UNC93B1: variants seen among roughly 807,000 people sequenced by gnomAD.
The protein encoded by UNC93B1 is protein unc-93 homolog B1.
Under a neutral mutation model 56.8 loss-of-function variants are expected in UNC93B1, and 33 were observed. The ratio of observed to expected loss-of-function variants is 0.58; its 90% CI spans 0.44 to 0.78. The LOEUF (loss-of-function observed/expected upper bound fraction) is 0.78, where lower values mean the gene tolerates loss of function less well. Among genes scored for constraint, UNC93B1 ranks in the 30% least tolerant of loss-of-function variants. The probability of loss-of-function intolerance (pLI) is 0.00; values close to 1 mark genes in which losing one functional copy is unlikely to be tolerated. For missense variants in UNC93B1, 673 were observed against 819.5 expected (o/e 0.82, Z 2.18); for synonymous variants, 334 against 358.6 (o/e 0.93, Z 0.77).
At chr11:67,999,399 T>G (rs759824101) in intron 4 of UNC93B1, 94 bp from the exon 5 acceptor site, 2 of 1,550,596 alleles carry the variant, frequency 1.3e-6, no homozygotes, top group Non-Finnish European at 1.7e-6. Context: ...AGCCCCGGTG[T>G]GGGGAAACTG....
intron 5 of UNC93B1, 67 bp from the exon 6 acceptor site, chr11:67,998,519 C>T: frequency 1.3e-6 from 2 of 1,534,908 alleles, no homozygotes; most frequent in East Asian, 2.2e-5. Flanking sequence ...CAGGCATGGT[C>T]TGGGGAGGGG....
At chr11:68,000,128 T>C (rs1244432605) in intron 3 of UNC93B1, among the ~76,000 whole-genome samples, 2 of 152,152 alleles carry the variant, frequency 1.3e-5, no homozygotes, top group Non-Finnish European at 2.9e-5. Flanking sequence ...CTGCCTCCAG[T>C]CCATTGCTTT....
Position 67,996,670 on chromosome 11 carries a change from G to T in UNC93B1, c.1021C>A (p.Arg341Ser). ...PFKHVRDYRL[R>S]HLVPFFIYSG... ...TAGATAAAGAAAGGCACGAGGTGGC[G>T]CAGGCGGTAGTCACGCACGTGCTTG... Residue 341 changes from arginine to serine, a missense_variant, in exon 8 of 11, where the codon CGC (arginine) becomes AGC (serine). Coordinates refer to ENST00000227471, the MANE Select transcript of UNC93B1 (RefSeq NM_030930.4). The T allele has an allele frequency of 6.4e-7, 1 of 1,551,556 alleles. No individual in the cohort carries two copies. Among genetic ancestry groups the T allele is most frequent in the Non-Finnish European group, 8.7e-7 (1 of 1,146,904 alleles).
chr11:67,998,286 G>C, intron 6 of UNC93B1, 73 bp downstream of exon 6: 1 of 1,548,494 alleles, frequency 6.5e-7, no homozygotes. Flanking sequence ...AATCCTGTGA[G>C]TGAGGGCCCA....
intron 7 of UNC93B1, 73 bp downstream of exon 7, chr11:67,997,602 C>T: frequency 6.3e-7 from 1 of 1,590,938 alleles, no homozygotes; most frequent in East Asian, 2.2e-5. Context: ...CGATCCAGAC[C>T]CTTTCTCGCA....
chr11:68,003,692 C>T lies in UNC93B1; in HGVS notation c.203G>A (p.Ser68Asn). 1 of 1,529,856 alleles carries T rather than the reference C, an allele frequency of 6.5e-7. No individual in the cohort carries two copies. Among genetic ancestry groups the T allele is most frequent in the Non-Finnish European group, 8.7e-7 (1 of 1,143,468 alleles). 94.8% of individuals were successfully genotyped at this position (1,529,856 alleles called of 1,614,324 possible). ...GCCGTAGGTGAGCATGCCCCCGGCG[C>T]TGGCAGCCAGCACGTTCTTGAGCAC... ...LGVLKNVLAASAGGMLTYGVY... is the reference protein window; with the variant it reads ...LGVLKNVLAANAGGMLTYGVY... The change falls in exon 2 of 11, where the codon AGC (serine) becomes AAC (asparagine). Residue 68 changes from serine to asparagine, a missense_variant. Transcript: ENST00000227471. This position sits in a 1 kb window ranked among gnomAD's most constrained non-coding sequence, Gnocchi z 4.4.
intron 8 of UNC93B1, chr11:67,996,129 A>AC (rs1856944001): frequency 1.2e-5 from 2 of 167,954 alleles, no homozygotes; most frequent in African/African-American, 2.8e-5. Context: ...GGGGTGCCTT[A>AC]CCCCCCTGCG....
rs1590764809 is a variant in UNC93B1 at position 68,003,885 on chromosome 11, C to G, written c.96+63G>C. On this transcript the variant is annotated intron_variant, in intron 1 of 10. Transcript: ENST00000227471. The surrounding 1 kb of genome is among the most constrained non-coding windows in gnomAD (Gnocchi z 4.4). The stretch of plus-strand genomic sequence containing the variant: ...CCGCCGCCCCCCGGCCCGCCCCGCC[C>G]CCGCCGGGGGGACCCTGGCCCACAG... 7.8e-7 allele frequency: 1 copy of G among 1,288,994 alleles called. No homozygotes were observed. The highest frequency in any genetic ancestry group is 9.8e-7 in the Non-Finnish European group (1 of 1,024,528). 79.8% of individuals were successfully genotyped at this position (1,288,994 alleles called of 1,614,324 possible). A position where few individuals can be genotyped will look rare whatever the true frequency, so the allele number is the denominator to read the frequency against.
intron 8 of UNC93B1, 108 bp downstream of exon 8, chr11:67,996,494 A>G: frequency 2.2e-6 from 3 of 1,388,952 alleles, no homozygotes; most frequent in South Asian, 1.5e-5. Context: ...TGGGATATAC[A>G]TGTACACACT....
At chr11:67,995,509 C>T (rs1489460542) in intron 9 of UNC93B1, 102 bp downstream of exon 9, 1 of 1,006,512 alleles carries the variant, frequency 9.9e-7, no homozygotes, top group Non-Finnish European at 1.4e-6. Flanking sequence ...CATGGGACCC[C>T]ATATCTGTCC....
chr11:67,991,425 G>A lies in UNC93B1; in HGVS notation c.*121C>T, dbSNP rs1856837418. On this transcript the variant is annotated 3_prime_UTR_variant, in exon 11 of 11. Coordinates refer to ENST00000227471, the MANE Select transcript of UNC93B1 (RefSeq NM_030930.4). ...CTCTGGGAGGGGCGTCCCCAACGTG[G>A]GGGAGGGGAGACAGGGGCCTTTGAA... is the stretch of plus-strand genomic sequence containing the variant. 1 of 1,009,930 alleles carries A rather than the reference G, an allele frequency of 9.9e-7. No homozygotes were observed. The highest frequency in any genetic ancestry group is 1.3e-6 in the Non-Finnish European group (1 of 754,602). The allele number at this position is 1,009,930 out of a possible 1,614,324, so 62.6% of individuals were successfully genotyped here.
chr11:67,996,893 C>T (rs1269482016), intron 7 of UNC93B1, 109 bp from the exon 8 acceptor site: 3 of 1,330,810 alleles, frequency 2.3e-6, no homozygotes, highest in Non-Finnish European at 3.0e-6. Flanking sequence ...CCCAGCTCGG[C>T]CCCGCCTCCC....
chr11:67,993,637 G>C, intron 10 of UNC93B1, 39 bp downstream of exon 10: 1 of 988,728 alleles, frequency 1.0e-6, no homozygotes, highest in Non-Finnish European at 1.5e-6. Context: ...GGAAGTACCT[G>C]TCATTGGGCA....
intron 9 of UNC93B1, 22 bp downstream of exon 9, chr11:67,995,589 C>A (rs367982446): frequency 0.1 from 60,373 of 581,472 alleles, 8,345 homozygotes; most frequent in African/African-American, 0.24. Flanking sequence ...CCCCCCCCCC[C>A]AGTGCCCACA....
intron 3 of UNC93B1, among the ~76,000 whole-genome samples, chr11:68,000,678 A>G (rs1857031298): frequency 6.6e-6 from 1 of 152,190 alleles, no homozygotes; most frequent in African/African-American, 2.4e-5. Context: ...AGTGGCACAT[A>G]TAGCCAGTGG....
In UNC93B1 at chr11:67,997,742, G is replaced by C; in HGVS notation, c.839C>G (p.Pro280Arg). ...GFNKTVLRTL[P>R]RSGNLIVVES... Reference sequence around the variant, plus strand: ...CACCACAATGAGGTTTCCGCTCCGCGGGAGCGTCCGCAGAACCGTCTTGTT... The same window carrying C: ...CACCACAATGAGGTTTCCGCTCCGCCGGAGCGTCCGCAGAACCGTCTTGTT... The change falls in exon 7 of 11, where the codon CCG becomes CGG. Residue 280 changes from proline to arginine, a missense_variant. Physicochemically the swap from Pro to Arg is moderately radical, Grantham distance 103 (BLOSUM62 -2). This residue lies in a region of UNC93B1 where 438 missense variants were observed against 465.9 expected (regional missense o/e 0.94). Coordinates refer to ENST00000227471, the MANE Select transcript of UNC93B1 (RefSeq NM_030930.4). The C allele has an allele frequency of 6.2e-7, 1 of 1,610,120 alleles. No homozygotes were observed. Among genetic ancestry groups the C allele is most frequent in the Non-Finnish European group, 8.5e-7 (1 of 1,179,856 alleles).
chr11:67,994,385 T>C (rs1239961119), intron 9 of UNC93B1, among the ~76,000 whole-genome samples: 1 of 152,206 alleles, frequency 6.6e-6, no homozygotes, highest in Non-Finnish European at 1.5e-5. Flanking sequence ...GATGAGCTTA[T>C]GCCTATTGTG....
chr11:68,004,066 C>A lies in UNC93B1; in HGVS notation c.-23G>T. 7.5e-7 allele frequency: 1 copy of A among 1,326,686 alleles called. No individual in the cohort carries two copies. Among genetic ancestry groups the A allele is most frequent in the South Asian group, 1.9e-5 (1 of 52,148 alleles). The allele number at this position is 1,326,686 out of a possible 1,614,324, so 82.2% of individuals were successfully genotyped here. On this transcript the variant is annotated 5_prime_UTR_variant, in exon 1 of 11. Transcript: ENST00000227471. ...CATGGCCCGAACTACTGCGGACTCG[C>A]GGCGGTCGCCCCGGAGTCCCTGCGA...
At chr11:68,002,549 G>C (rs1857064045) in intron 3 of UNC93B1, among the ~76,000 whole-genome samples, 1 of 152,138 alleles carries the variant, frequency 6.6e-6, no homozygotes, top group Admixed American at 6.5e-5. Context: ...ATACCTCCAG[G>C]GCTCAGATCT....
Sources: allele counts gnomAD v4.1 joint callset (sites outside exome capture counted in the v4.1 genomes callset), GRCh38; gene constraint gnomAD v4.1.1; regional missense constraint gnomAD v4.1.1; non-coding constraint Gnocchi (gnomAD v3.1); transcripts MANE v1.5; gene names NCBI Gene and HGNC (gene_info 2026-07-23, HGNC 2026-07-21).